The following PARD3B variants were observed in gnomAD, a reference collection of about 807,000 sequenced individuals.
PARD3B encodes the protein par-3 family cell polarity regulator beta.
Under a neutral mutation model 130.2 loss-of-function variants are expected in PARD3B, and 103 were observed. The observed-to-expected ratio is 0.79, with a 90% confidence interval of 0.67 to 0.93. The LOEUF is 0.93. Ranked by LOEUF, PARD3B falls within the 40% of genes least tolerant of loss-of-function variation. PARD3B has a pLI of 0.00. For missense variants in PARD3B, 1,609 were observed against 1,499.2 expected (o/e 1.07, Z -1.21); for synonymous variants, 583 against 553.2 (o/e 1.05, Z -0.76).
intron 21 of PARD3B, among the ~76,000 whole-genome samples, chr2:205,522,245 TTAGGTATACTTCTGGAAGTGATAA>T (rs2051102490): frequency 1.3e-5 from 2 of 151,864 alleles, no homozygotes; most frequent in South Asian, 4.1e-4. Context: ...TGAACTTAGT[TTAGGTATACTTCTGGAAGTGATAA>T]TAAGCTAATG....
chr2:204,585,690 G>T (rs1054222300), intron 1 of PARD3B, among the ~76,000 whole-genome samples: 54 of 151,952 alleles, frequency 3.6e-4, no homozygotes, highest in Non-Finnish European at 1.0e-4. Flanking sequence ...TGGTGTGATT[G>T]ATAGGCTTCT....
At chr2:205,066,840 C>G (rs1700410176) in intron 4 of PARD3B, among the ~76,000 whole-genome samples, 1 of 152,004 alleles carries the variant, frequency 6.6e-6, no homozygotes, top group Admixed American at 6.6e-5. Context: ...AAATCATCAT[C>G]TAAGTAACTT....
chr2:205,087,894 G>A (rs541854833), intron 4 of PARD3B, among the ~76,000 whole-genome samples: 24 of 152,218 alleles, frequency 1.6e-4, no homozygotes, highest in Non-Finnish European at 2.8e-4. Flanking sequence ...TGTGAATATC[G>A]TGTGTTGATC....
At chr2:204,735,338 AC>A (rs111606138) in intron 2 of PARD3B, among the ~76,000 whole-genome samples, 32,022 of 151,902 alleles carry the variant, frequency 0.21, 3,450 homozygotes, top group African/African-American at 0.24. Context: ...GTTAATGTGC[AC>A]CCCCATGAAA....
chr2:205,229,469 A>G lies in PARD3B; in HGVS notation c.2141-16309A>G, dbSNP rs2038723948. Among the ~76,000 whole-genome samples the G allele has an allele frequency of 1.3e-5, 2 of 152,310 alleles. No homozygotes were observed. Among genetic ancestry groups the G allele is most frequent in the Middle Eastern group, 3.4e-3 (1 of 294 alleles). ...AATTAATTCCCTGAAATTACCAGGT[A>G]GTGACTCTGCTCTCTTCCCTTATTT... On this transcript the variant is annotated intron_variant, in intron 15 of 22. Transcript: ENST00000406610. The surrounding 1 kb of genome is among the most constrained non-coding windows in gnomAD (Gnocchi z 5.2).
intron 2 of PARD3B, among the ~76,000 whole-genome samples, chr2:204,886,586 A>G (rs2046277549): frequency 6.6e-6 from 1 of 152,238 alleles, no homozygotes; most frequent in East Asian, 1.9e-4. Context: ...AAAATACTCA[A>G]CATTATTAAG....
chr2:204,984,018 C>T (rs771758622), intron 3 of PARD3B, among the ~76,000 whole-genome samples: 9 of 152,014 alleles, frequency 5.9e-5, no homozygotes, highest in South Asian at 2.1e-4. Flanking sequence ...TGCATTTCTC[C>T]TGTTCATCTG....
chr2:204,564,206 AGCTC>A (rs1384317157), intron 1 of PARD3B, among the ~76,000 whole-genome samples: 4 of 152,196 alleles, frequency 2.6e-5, no homozygotes, highest in African/African-American at 9.6e-5. Context: ...TCCCCCACGT[AGCTC>A]AGTTCCTTTC....
At chr2:205,111,743 T>C (rs1030453338) in intron 5 of PARD3B, among the ~76,000 whole-genome samples, 1 of 152,110 alleles carries the variant, frequency 6.6e-6, no homozygotes, top group Non-Finnish European at 1.5e-5. Context: ...GAAAGATTTG[T>C]GTTGTGCTTT....
intron 2 of PARD3B, among the ~76,000 whole-genome samples, chr2:204,834,005 G>C (rs956392316): frequency 1.3e-5 from 2 of 152,082 alleles, no homozygotes; most frequent in African/African-American, 4.8e-5. Context: ...AACTCCCATG[G>C]CAGGAATGTT....
At chr2:204,626,810 G>T (rs1016807463) in intron 1 of PARD3B, among the ~76,000 whole-genome samples, 1 of 151,866 alleles carries the variant, frequency 6.6e-6, no homozygotes, top group African/African-American at 2.4e-5. Flanking sequence ...CATTTTCTAT[G>T]ATTTTTTTTT....
intron 10 of PARD3B, among the ~76,000 whole-genome samples, chr2:205,156,249 C>CT (rs1307348080): frequency 9.9e-5 from 6 of 60,374 alleles, no homozygotes; most frequent in Admixed American, 3.0e-4. Context: ...ACATCACACT[C>CT]TGGGGACTGT....
chr2:205,428,373 C>T (rs2047217302), intron 19 of PARD3B, among the ~76,000 whole-genome samples: 1 of 152,020 alleles, frequency 6.6e-6, no homozygotes, highest in Non-Finnish European at 1.5e-5. Context: ...GAACCAGACT[C>T]TGTCACAAAA....
At chr2:204,784,749 A>G (rs966110437) in intron 2 of PARD3B, among the ~76,000 whole-genome samples, 3 of 152,216 alleles carry the variant, frequency 2.0e-5, no homozygotes, top group African/African-American at 7.2e-5. Context: ...TAGCCCATTT[A>G]TAAGTTGATA....
intron 1 of PARD3B, among the ~76,000 whole-genome samples, chr2:204,568,956 A>C (rs1376727183): frequency 1.4e-5 from 2 of 143,106 alleles, no homozygotes; most frequent in Non-Finnish European, 3.1e-5. Flanking sequence ...CTGTCTCAGG[A>C]AAAAAAAAAA....
intron 21 of PARD3B, among the ~76,000 whole-genome samples, chr2:205,513,095 A>G (rs1575210281): frequency 6.6e-6 from 1 of 151,720 alleles, no homozygotes; most frequent in Admixed American, 6.6e-5. Context: ...GCAATGTACA[A>G]TATGTGTATG....
chr2:204,918,753 G>T (rs953241302), intron 2 of PARD3B, among the ~76,000 whole-genome samples: 2 of 152,148 alleles, frequency 1.3e-5, no homozygotes, highest in Non-Finnish European at 2.9e-5. Context: ...CTTTTTGAGG[G>T]ATTTGGTGAT....
At chr2:205,302,916 A>G (rs974311015) in intron 18 of PARD3B, among the ~76,000 whole-genome samples, 7 of 152,340 alleles carry the variant, frequency 4.6e-5, no homozygotes, top group Non-Finnish European at 8.8e-5. Context: ...GTTGTGAGAT[A>G]TGATTTCATA....
intron 2 of PARD3B, among the ~76,000 whole-genome samples, chr2:204,886,691 G>A (rs2046282042): frequency 6.6e-6 from 1 of 152,180 alleles, no homozygotes. Flanking sequence ...CATGTAAACA[G>A]ATACAATCAA....
Sources: allele counts gnomAD v4.1 joint callset (sites outside exome capture counted in the v4.1 genomes callset), GRCh38; gene constraint gnomAD v4.1.1; non-coding constraint Gnocchi (gnomAD v3.1); transcripts MANE v1.5; gene names NCBI Gene and HGNC (gene_info 2026-07-23, HGNC 2026-07-21).